Variants in NCALD observed in about 807,000 individuals in gnomAD.
NCALD encodes neurocalcin-delta.
Under a neutral mutation model 18.6 loss-of-function variants are expected in NCALD, and 10 were observed. The observed-to-expected ratio is 0.54, with a 90% CI of 0.33 to 0.91. The LOEUF is 0.91. Among genes scored for constraint, NCALD ranks in the 40% least tolerant of loss-of-function variants. The probability of loss-of-function intolerance (pLI) is 0.03; values close to 1 mark genes in which losing one functional copy is unlikely to be tolerated. For synonymous variants in NCALD, 88 were observed against 87.4 expected, an observed-to-expected ratio of 1.01 and a Z score of -0.04; for missense variants, 184 against 247.6, an observed-to-expected ratio of 0.74 and a Z score of 1.72.
At chr8:102,078,428 A>G (rs1433171508) in intron 1 of NCALD, among the ~76,000 whole-genome samples, 27 of 152,194 alleles carry the variant, frequency 1.8e-4, no homozygotes, top group Non-Finnish European at 4.0e-4. Flanking sequence ...GTAACTCCTC[A>G]ACTTAAGACC....
chr8:101,767,586 A>G (rs559931782), intron 1 of NCALD, among the ~76,000 whole-genome samples: 8 of 152,364 alleles, frequency 5.3e-5, no homozygotes, highest in African/African-American at 9.6e-5. Flanking sequence ...GAAATTGCCT[A>G]TGGACTCAAC....
chr8:101,721,834 A>G (rs1586303805), intron 1 of NCALD, among the ~76,000 whole-genome samples: 1 of 148,702 alleles, frequency 6.7e-6, no homozygotes, highest in African/African-American at 2.5e-5. Context: ...GAAGGAACTT[A>G]CTTTTTGGGT....
At position 101,853,510 on chromosome 8, in the gene NCALD, T is replaced by A. The variant is rs181712529; in HGVS notation, c.-20+33631A>T. 5.9e-5 allele frequency among the ~76,000 whole-genome samples: 9 copies of A among 152,318 alleles called. No individual in the cohort carries two copies. The East Asian group carries it at 1.7e-3, about 29-fold the overall frequency. On this transcript the variant is annotated intron_variant, in intron 4 of 6. Coordinates refer to the NCALD transcript ENST00000311028. Reference sequence around the variant, plus strand: ...TTTCATGTAGAAATGAGATTTAAGCTTATTAAAATGTATTTCTTTCTGGTG... The same window carrying A: ...TTTCATGTAGAAATGAGATTTAAGCATATTAAAATGTATTTCTTTCTGGTG...
At chr8:101,853,471 C>A (rs1346095920) in intron 4 of NCALD, among the ~76,000 whole-genome samples, 5 of 152,236 alleles carry the variant, frequency 3.3e-5, no homozygotes, top group South Asian at 4.1e-4. Context: ...TATTGCAGTA[C>A]TAAAATCTGA....
intron 1 of NCALD, among the ~76,000 whole-genome samples, chr8:102,046,170 C>T (rs1823231788): frequency 6.6e-6 from 1 of 152,214 alleles, no homozygotes; most frequent in Admixed American, 6.5e-5. Context: ...AACTCCGCTT[C>T]ACCAGTTGAG....
chr8:102,053,850 A>G (rs186507964), intron 1 of NCALD, among the ~76,000 whole-genome samples: 61 of 152,372 alleles, frequency 4.0e-4, no homozygotes, highest in Admixed American at 3.6e-3. Context: ...CCAACTATGC[A>G]CAAAAAATCT....
At chr8:102,088,846 C>T (rs1824828419) in intron 1 of NCALD, among the ~76,000 whole-genome samples, 1 of 152,188 alleles carries the variant, frequency 6.6e-6, no homozygotes, top group African/African-American at 2.4e-5. Context: ...CATTATCTGA[C>T]ATTTTTGACT....
intron 4 of NCALD, among the ~76,000 whole-genome samples, chr8:101,823,767 A>G (rs1184245556): frequency 1.3e-5 from 2 of 152,330 alleles, no homozygotes; most frequent in East Asian, 3.9e-4. Context: ...AAGCCACGCA[A>G]TTCTCTGAGT....
chr8:101,901,695 A>AT (rs1368623327), intron 3 of NCALD, among the ~76,000 whole-genome samples: 3 of 152,122 alleles, frequency 2.0e-5, no homozygotes, highest in Non-Finnish European at 4.4e-5. Flanking sequence ...GGATAGTGTT[A>AT]TTTTTTGCTT....
Position 101,877,229 on chromosome 8 carries a change from T to C in NCALD, c.-20+9912A>G, listed in dbSNP as rs1000632595. ...GATAATACTGATTTAAAGGATCTTA[T>C]GTGAGGATAATCAACATTGCAGCAG... On this transcript the variant is annotated intron_variant, in intron 4 of 6. Coordinates refer to the NCALD transcript ENST00000311028. Among the ~76,000 whole-genome samples, 8 of 152,348 alleles carry C rather than the reference T, an allele frequency of 5.3e-5. No homozygotes were observed. The East Asian group carries it at 5.8e-4, about 11-fold the overall frequency.
At chr8:101,981,457 C>T (rs1376526295) in intron 2 of NCALD, among the ~76,000 whole-genome samples, 1 of 152,196 alleles carries the variant, frequency 6.6e-6, no homozygotes, top group Non-Finnish European at 1.5e-5. Context: ...TATAACCTTT[C>T]TTTCCATCAC....
rs550076262 is a variant in NCALD, at chr8:101,836,837, CTT to C, written c.-20+50302_-20+50303del. Among the ~76,000 whole-genome samples, 429 of 152,224 alleles carry C rather than the reference CTT, an allele frequency of 2.8e-3. 5 individuals carry two copies. Among genetic ancestry groups the C allele is most frequent in the African/African-American group, 9.9e-3 (413 of 41,514 alleles). ...TCTCTGTTTGTGATTGTCAGAAAGA[CTT>C]TAAGTTTTTATGTTAGTCTCATTCA... On this transcript the variant is annotated intron_variant, in intron 4 of 6. Transcript: ENST00000311028.
intron 3 of NCALD, among the ~76,000 whole-genome samples, chr8:101,912,732 T>C (rs1232871606): frequency 6.6e-6 from 1 of 152,232 alleles, no homozygotes; most frequent in Non-Finnish European, 1.5e-5. Context: ...CACCCTCAGG[T>C]GATCCCCACT....
chr8:101,720,157 C>T (rs556989471), intron 1 of NCALD, among the ~76,000 whole-genome samples: 10 of 152,268 alleles, frequency 6.6e-5, no homozygotes, highest in African/African-American at 2.4e-4. Flanking sequence ...TGGATACCTT[C>T]TGAATATTAT....
intron 2 of NCALD, among the ~76,000 whole-genome samples, chr8:101,948,079 C>G (rs1819247403): frequency 6.6e-6 from 1 of 152,170 alleles, no homozygotes; most frequent in African/African-American, 2.4e-5. Context: ...TTGAAGAGTT[C>G]TAAGCAGGAA....
chr8:101,840,367 A>G (rs1259289086), intron 4 of NCALD, among the ~76,000 whole-genome samples: 1 of 152,242 alleles, frequency 6.6e-6, no homozygotes, highest in African/African-American at 2.4e-5. Flanking sequence ...TAAGTACAGA[A>G]CATTTAAGCA....
intron 2 of NCALD, among the ~76,000 whole-genome samples, chr8:101,944,008 C>T (rs1339212624): frequency 6.6e-6 from 1 of 151,910 alleles, no homozygotes; most frequent in Admixed American, 6.6e-5. Flanking sequence ...ACAGGGGCAA[C>T]TTGTCCTGCT....
chr8:101,776,202 T>C (rs1341994359), intron 1 of NCALD, among the ~76,000 whole-genome samples: 1 of 152,122 alleles, frequency 6.6e-6, no homozygotes, highest in East Asian at 1.9e-4. Flanking sequence ...ATGGCTAAAA[T>C]GGAAAGAACA....
intron 1 of NCALD, among the ~76,000 whole-genome samples, chr8:102,028,654 G>A (rs2132129091): frequency 6.6e-6 from 1 of 152,278 alleles, no homozygotes; most frequent in Non-Finnish European, 1.5e-5. Context: ...AGTGGTCCCT[G>A]CCCCAACACA....
Sources: allele counts gnomAD v4.1 joint callset (sites outside exome capture counted in the v4.1 genomes callset), GRCh38; gene constraint gnomAD v4.1.1; transcripts MANE v1.5; gene names NCBI Gene and HGNC (gene_info 2026-07-23, HGNC 2026-07-21).